The following BNC2 variants were observed in gnomAD, a reference collection of about 807,000 sequenced individuals.
The protein encoded by BNC2 is basonuclin zinc finger protein 2, also known as zinc finger protein basonuclin-2.
A neutral mutation model predicts 76.3 loss-of-function variants in BNC2; 20 were observed. The ratio of observed to expected loss-of-function variants is 0.26; its 90% CI spans 0.18 to 0.38. The LOEUF is 0.38. Ranked by LOEUF, BNC2 falls within the 10% of genes least tolerant of loss-of-function variation. The pLI, the probability that BNC2 is intolerant of heterozygous loss-of-function variation, is 1.00. For synonymous variants in BNC2, 582 were observed against 514.8 expected, an observed-to-expected ratio of 1.13 and a Z score of -1.77; for missense variants, 1,382 against 1,399.8, an observed-to-expected ratio of 0.99 and a Z score of 0.20.
At chr9:16,572,143 G>A (rs74632625) in intron 4 of BNC2, among the ~76,000 whole-genome samples, 4 of 152,118 alleles carry the variant, frequency 2.6e-5, no homozygotes, top group African/African-American at 9.6e-5. Flanking sequence ...GAAAGCCGAA[G>A]GTATTTCACT....
intron 5 of BNC2, among the ~76,000 whole-genome samples, chr9:16,527,316 G>A (rs932688372): frequency 1.3e-5 from 2 of 152,186 alleles, no homozygotes; most frequent in African/African-American, 4.8e-5. Context: ...GAGATAATTA[G>A]CATCAAAGAG....
chr9:16,647,455 A>C (rs1821664307), intron 3 of BNC2, among the ~76,000 whole-genome samples: 1 of 152,172 alleles, frequency 6.6e-6, no homozygotes, highest in Admixed American at 6.6e-5. Flanking sequence ...GGCTCAGGGA[A>C]AGGAGGTCAA....
intron 6 of BNC2, among the ~76,000 whole-genome samples, chr9:16,426,127 C>A (rs1477302029): frequency 6.6e-6 from 1 of 152,176 alleles, no homozygotes; most frequent in Non-Finnish European, 1.5e-5. Context: ...TAAGAAAAAG[C>A]AAAGCCATGA....
At chr9:16,771,039 C>T (rs1218567154) in intron 1 of BNC2, among the ~76,000 whole-genome samples, 1 of 152,076 alleles carries the variant, frequency 6.6e-6, no homozygotes, top group Non-Finnish European at 1.5e-5. Flanking sequence ...CATGGTGCCG[C>T]ATGCCTGTAA....
At chr9:16,796,246 C>A (rs1366768803) in intron 1 of BNC2, among the ~76,000 whole-genome samples, 2 of 152,196 alleles carry the variant, frequency 1.3e-5, no homozygotes, top group Non-Finnish European at 2.9e-5. Context: ...ACATCCATTT[C>A]TTTTCAATTA....
chr9:16,617,393 G>T (rs547032217), intron 3 of BNC2, among the ~76,000 whole-genome samples: 1 of 151,950 alleles, frequency 6.6e-6, no homozygotes, highest in South Asian at 2.1e-4. Flanking sequence ...AAAACAAAGC[G>T]GAATATGAAA....
intron 4 of BNC2, among the ~76,000 whole-genome samples, chr9:16,564,800 CAT>C (rs1819122742): frequency 6.7e-6 from 1 of 150,264 alleles, no homozygotes; most frequent in Non-Finnish European, 1.5e-5. Flanking sequence ...TGATTGTCCA[CAT>C]GTTAAGATGT....
chr9:16,631,958 C>T (rs1821174887), intron 3 of BNC2, among the ~76,000 whole-genome samples: 2 of 152,142 alleles, frequency 1.3e-5, no homozygotes, highest in African/African-American at 4.8e-5. Context: ...AGCACAAAAT[C>T]GGCAAAGAAC....
chr9:16,580,021 C>T (rs1293047195), intron 4 of BNC2: 1 of 398,104 alleles, frequency 2.5e-6, no homozygotes, highest in East Asian at 3.6e-5. Context: ...AGGAAAATTA[C>T]ACACTAGAAA....
intron 1 of BNC2, among the ~76,000 whole-genome samples, chr9:16,845,533 A>G (rs182892005): frequency 0.014 from 2,159 of 152,028 alleles, 38 homozygotes; most frequent in African/African-American, 0.042. Flanking sequence ...CATCCTGGCT[A>G]ACACAGTGAA....
chr9:16,659,834 T>G (rs1238489488), intron 3 of BNC2, among the ~76,000 whole-genome samples: 2 of 152,150 alleles, frequency 1.3e-5, no homozygotes, highest in African/African-American at 4.8e-5. Context: ...TTCTCTGCTT[T>G]TTTCTTCATA....
At chr9:16,601,465 C>A (rs1230083158) in intron 3 of BNC2, among the ~76,000 whole-genome samples, 3 of 152,188 alleles carry the variant, frequency 2.0e-5, no homozygotes, top group Non-Finnish European at 2.9e-5. Context: ...AAATCCCAAA[C>A]TTGTTTCGAA....
At chr9:16,821,100 G>C (rs1030688772) in intron 1 of BNC2, among the ~76,000 whole-genome samples, 1 of 151,774 alleles carries the variant, frequency 6.6e-6, no homozygotes, top group African/African-American at 2.4e-5. Context: ...AGGTGTGGTG[G>C]CACGCACCTG....
At chr9:16,634,734 C>T (rs1821270211) in intron 3 of BNC2, among the ~76,000 whole-genome samples, 2 of 152,212 alleles carry the variant, frequency 1.3e-5, no homozygotes, top group South Asian at 4.1e-4. Flanking sequence ...ATCTCCTGAC[C>T]TTGTGATCTA....
At chr9:16,860,650 G>C (rs778968431) in intron 1 of BNC2, among the ~76,000 whole-genome samples, 2 of 152,298 alleles carry the variant, frequency 1.3e-5, no homozygotes, top group South Asian at 2.1e-4. Context: ...TAGTTTCTTA[G>C]ATAGCATACC....
rs752551063 is a variant in BNC2 at position 16,419,581 on chromosome 9, G to A, written c.2708C>T (p.Ser903Leu). Residue 903 changes from serine (S) to leucine (L), a missense_variant, in exon 7 of 7, where the codon TCG (serine) becomes TTG (leucine). By Grantham distance (145) the Ser-to-Leu change is moderately radical. Around this residue, in one of 3 missense-constraint regions of BNC2, gnomAD observed 798 missense variants for 775.5 expected, o/e 1.03. Coordinates refer to ENST00000380672, the MANE Select transcript of BNC2 (RefSeq NM_017637.6). Reference sequence around the variant, plus strand: ...GTCCTTGCTAAGGGAGGGCTGCGACGAGTCCAGGCCCATGTCATCGAGTTC... The same window carrying A: ...GTCCTTGCTAAGGGAGGGCTGCGACAAGTCCAGGCCCATGTCATCGAGTTC... ...TKELDDMGLD[S>L]SQPSLSKDLR... The A allele has an allele frequency of 1.1e-5, 17 of 1,606,640 alleles. No homozygotes were observed. The highest frequency in any genetic ancestry group is 1.7e-5 in the Admixed American group (1 of 59,400).
chr9:16,478,391 G>GAA (rs1320838560), intron 5 of BNC2, among the ~76,000 whole-genome samples: 1 of 152,172 alleles, frequency 6.6e-6, no homozygotes, highest in Non-Finnish European at 1.5e-5. Context: ...CAAGATCCCA[G>GAA]AAGTGATCTG....
At chr9:16,820,892 C>T (rs1202404606) in intron 1 of BNC2, among the ~76,000 whole-genome samples, 1 of 151,778 alleles carries the variant, frequency 6.6e-6, no homozygotes, top group African/African-American at 2.4e-5. Context: ...AACCCCTAAC[C>T]AGGGCAATGA....
intron 3 of BNC2, among the ~76,000 whole-genome samples, chr9:16,601,505 A>C (rs1273637034): frequency 1.3e-5 from 2 of 152,216 alleles, no homozygotes; most frequent in Non-Finnish European, 2.9e-5. Context: ...AGAAGTAAGC[A>C]GTTTCCTGAG....
Sources: gnomAD v4.1 joint callset for allele counts (sites outside exome capture counted in the v4.1 genomes callset) on GRCh38, gnomAD v4.1.1 for gene constraint, gnomAD v4.1.1 regional missense constraint, MANE v1.5 for transcripts, NCBI Gene and HGNC (gene_info 2026-07-23, HGNC 2026-07-21) for gene names.